PDZD2: variants seen among roughly 807,000 people sequenced by gnomAD.
PDZD2 encodes the protein PDZ domain containing 2.
PDZD2 carries 90 observed loss-of-function variants against 220.7 expected under a neutral mutation model. The ratio of observed to expected loss-of-function variants is 0.41; its 90% CI spans 0.34 to 0.49. The LOEUF (loss-of-function observed/expected upper bound fraction) is 0.49. PDZD2 is among the 20% of genes least tolerant of loss of function. The pLI is 0.28. For synonymous variants in PDZD2, 1,375 were observed against 1,450.5 expected (o/e 0.95, Z 1.18); for missense variants, 3,174 against 3,608.5 (o/e 0.88, Z 3.08).
At chr5:32,080,915 G>A (rs969109740) in intron 19 of PDZD2, among the ~76,000 whole-genome samples, 2 of 152,062 alleles carry the variant, frequency 1.3e-5, no homozygotes, top group African/African-American at 4.8e-5. Flanking sequence ...ACTGGAGCCT[G>A]TTGCGGATGG....
intron 19 of PDZD2, among the ~76,000 whole-genome samples, chr5:32,081,589 C>G (rs1368558300): frequency 6.6e-6 from 1 of 152,272 alleles, no homozygotes; most frequent in African/African-American, 2.4e-5. Context: ...CTCTCCTTCC[C>G]AATGAAAAGG....
At chr5:31,899,287 T>C (rs1741871500) in intron 2 of PDZD2, among the ~76,000 whole-genome samples, 1 of 152,074 alleles carries the variant, frequency 6.6e-6, no homozygotes, top group Admixed American at 6.6e-5. Context: ...CGTGTTACCA[T>C]GCCCAGCTAG....
At chr5:31,647,199 A>G (rs1745166117) in intron 1 of PDZD2, among the ~76,000 whole-genome samples, 1 of 152,240 alleles carries the variant, frequency 6.6e-6, no homozygotes, top group Admixed American at 6.5e-5. Flanking sequence ...ACTCTTCAGG[A>G]TCCAGTACAA....
chr5:32,053,987 G>C (rs1382644783), intron 10 of PDZD2, 104 bp downstream of exon 10: 14 of 680,094 alleles, frequency 2.1e-5, no homozygotes, highest in Non-Finnish European at 2.7e-6. Context: ...AGTAGACCTC[G>C]GCGGAATCTG....
chr5:32,042,154 C>T (rs1361615488), intron 7 of PDZD2, among the ~76,000 whole-genome samples: 4 of 151,566 alleles, frequency 2.6e-5, no homozygotes, highest in Non-Finnish European at 5.9e-5. Context: ...CCCAGCTACT[C>T]GGGAGGCTGA....
chr5:31,910,216 C>CTTTT (rs1561050652), intron 2 of PDZD2, among the ~76,000 whole-genome samples: 3 of 55,456 alleles, frequency 5.4e-5, no homozygotes, highest in Non-Finnish European at 9.1e-5. Flanking sequence ...AGAGTTCCTG[C>CTTTT]ATTTTTTTTT....
intron 21 of PDZD2, among the ~76,000 whole-genome samples, chr5:32,096,829 ATT>A (rs71831480): frequency 8.3e-5 from 8 of 96,828 alleles, no homozygotes; most frequent in Admixed American, 1.4e-4. Context: ...ATGTACTATG[ATT>A]TTTTTTTTTT....
intron 2 of PDZD2, among the ~76,000 whole-genome samples, chr5:31,947,315 A>C (rs1212116300): frequency 6.6e-6 from 1 of 152,190 alleles, no homozygotes; most frequent in Non-Finnish European, 1.5e-5. Flanking sequence ...CCATGTATGC[A>C]GGGTACAGAA....
chr5:32,101,972 A>C (rs1344490533), intron 24 of PDZD2, among the ~76,000 whole-genome samples: 1 of 152,248 alleles, frequency 6.6e-6, no homozygotes, highest in Admixed American at 6.5e-5. Context: ...TAAGTAGGTC[A>C]GCAAATAACA....
chr5:32,009,075 T>G (rs897973099), intron 5 of PDZD2, among the ~76,000 whole-genome samples: 4 of 152,036 alleles, frequency 2.6e-5, no homozygotes, highest in Non-Finnish European at 4.4e-5. Context: ...CCGGGCTCGG[T>G]GGCTCATGCC....
At chr5:31,643,850 G>T (rs959045414) in intron 1 of PDZD2, among the ~76,000 whole-genome samples, 3 of 151,548 alleles carry the variant, frequency 2.0e-5, no homozygotes, top group Admixed American at 6.6e-5. Flanking sequence ...TTGAGACAGG[G>T]TCTCACTCTG....
At chr5:31,672,940 C>G (rs1303354598) in intron 1 of PDZD2, among the ~76,000 whole-genome samples, 1 of 152,220 alleles carries the variant, frequency 6.6e-6, no homozygotes, top group Non-Finnish European at 1.5e-5. Context: ...AATGCTGTCA[C>G]TTTGCCCATT....
intron 2 of PDZD2, among the ~76,000 whole-genome samples, chr5:31,881,324 A>ATGTGTG (rs1173134666): frequency 1.7e-5 from 2 of 118,556 alleles, no homozygotes; most frequent in East Asian, 2.2e-4. Flanking sequence ...ATTTCCATAT[A>ATGTGTG]TATGTGTGTG....
chr5:31,824,834 G>A (rs1272537368), intron 2 of PDZD2, among the ~76,000 whole-genome samples: 1 of 152,158 alleles, frequency 6.6e-6, no homozygotes, highest in Non-Finnish European at 1.5e-5. Flanking sequence ...TACTTCAGAG[G>A]GAACGATTGC....
intron 6 of PDZD2, among the ~76,000 whole-genome samples, chr5:32,012,817 CAT>C (rs528920492): frequency 6.5e-4 from 99 of 151,724 alleles, no homozygotes; most frequent in African/African-American, 2.2e-3. Context: ...AAATATATTA[CAT>C]GTTATATAAT....
chr5:31,881,822 C>A (rs1332329013), intron 2 of PDZD2, among the ~76,000 whole-genome samples: 1 of 152,054 alleles, frequency 6.6e-6, no homozygotes. Context: ...TTAAGTGATT[C>A]TCCTGCCTCA....
chr5:31,949,453 A>G (rs1444426118), intron 2 of PDZD2, among the ~76,000 whole-genome samples: 5 of 152,100 alleles, frequency 3.3e-5, no homozygotes, highest in Non-Finnish European at 7.3e-5. Context: ...CAGATACCAA[A>G]TATCTTCTGC....
At chr5:32,007,396 A>C (rs1471673850) in intron 5 of PDZD2, among the ~76,000 whole-genome samples, 6 of 152,232 alleles carry the variant, frequency 3.9e-5, no homozygotes, top group Non-Finnish European at 5.9e-5. Flanking sequence ...AAAAAAAAAA[A>C]AAAAACACTC....
intron 2 of PDZD2, among the ~76,000 whole-genome samples, chr5:31,849,884 ATATACAC>A (rs1757825118): frequency 2.6e-5 from 1 of 38,482 alleles, no homozygotes; most frequent in East Asian, 5.8e-4. Context: ...ATATATATAT[ATATACAC>A]ATATATATAT....
Sources: gnomAD v4.1 joint callset for allele counts (sites outside exome capture counted in the v4.1 genomes callset) on GRCh38, gnomAD v4.1.1 for gene constraint, MANE v1.5 for transcripts, NCBI Gene and HGNC (gene_info 2026-07-23, HGNC 2026-07-21) for gene names.